The following TTC34 variants were observed in gnomAD, a reference collection of about 807,000 sequenced individuals.
TTC34 encodes tetratricopeptide repeat domain 34, also known as tetratricopeptide repeat protein 34.
Under a neutral mutation model 40.7 loss-of-function variants are expected in TTC34, and 44 were observed. The observed-to-expected ratio is 1.08, with a 90% confidence interval of 0.85 to 1.39. TTC34 has a LOEUF of 1.39. Ranked by LOEUF, TTC34 falls within the 40% of genes most tolerant of loss-of-function variation. The pLI is 0.00. For missense variants in TTC34, 884 were observed against 838.0 expected, an observed-to-expected ratio of 1.05 and a Z score of -0.68; for synonymous variants, 422 against 398.6, an observed-to-expected ratio of 1.06 and a Z score of -0.70.
chr1:2,681,062 A>ACCCC (rs1640048405), intron 6 of TTC34, among the ~76,000 whole-genome samples: 18 of 71,398 alleles, frequency 2.5e-4, no homozygotes, highest in East Asian at 9.8e-4. Context: ...CAGTGCCCAC[A>ACCCC]CACCCAGGCG....
At chr1:2,641,843 G>A in exon 9 of TTC34, 10 of 1,523,288 alleles carry the variant, frequency 6.6e-6, no homozygotes, top group Non-Finnish European at 8.8e-6. Flanking sequence ...GTAGCCCAGC[G>A]CCTGCCTGGG....
At chr1:2,757,730 C>A (rs1216123833) in intron 6 of TTC34, among the ~76,000 whole-genome samples, 1 of 145,624 alleles carries the variant, frequency 6.9e-6, no homozygotes, top group Non-Finnish European at 1.5e-5. Context: ...GAGCATCTGA[C>A]AGCCTGTAAC....
At chr1:2,754,160 C>A (rs1411003364) in intron 6 of TTC34, among the ~76,000 whole-genome samples, 12 of 28,616 alleles carry the variant, frequency 4.2e-4, no homozygotes, top group South Asian at 2.3e-3. Context: ...ATCTGATGGT[C>A]TGGAGCAGAA....
At chr1:2,751,539 C>G (rs1435309998) in intron 6 of TTC34, among the ~76,000 whole-genome samples, 2 of 33,580 alleles carry the variant, frequency 6.0e-5, no homozygotes, top group African/African-American at 2.4e-4. Context: ...CCCAGGTGAG[C>G]ATCTGACAGC....
chr1:2,779,257 C>T (rs1347725728), intron 6 of TTC34, among the ~76,000 whole-genome samples: 1 of 152,170 alleles, frequency 6.6e-6, no homozygotes, highest in Admixed American at 6.5e-5. Flanking sequence ...CTCTAAAAGA[C>T]CCTACTTCCA....
At chr1:2,687,933 G>T (rs570016323) in intron 6 of TTC34, among the ~76,000 whole-genome samples, 29 of 120,836 alleles carry the variant, frequency 2.4e-4, no homozygotes, top group African/African-American at 9.8e-4. Context: ...ACACGCCCAG[G>T]TGAGCCTCTG....
intron 6 of TTC34, among the ~76,000 whole-genome samples, chr1:2,692,509 A>T (rs201869556): frequency 2.6e-3 from 57 of 21,798 alleles, no homozygotes; most frequent in Non-Finnish European, 4.0e-3. Context: ...CTGCACCCCC[A>T]GGTGTGCACG....
rs376002609 is a variant in TTC34, at chr1:2,683,953, C to T, written c.2227-38390G>A. On this transcript the variant is annotated intron_variant, in intron 6 of 8. Transcript: ENST00000401095. ...CTGATGGTCTGGAGCAGTACCCACA[C>T]CCACAGTTGAGCATCTGACAGCCTG... Among the ~76,000 whole-genome samples, 190 of 28,770 alleles carry T rather than the reference C, an allele frequency of 6.6e-3. 7 individuals carry two copies. The South Asian group carries it at 0.14, about 21-fold the overall frequency. 18.9% of individuals were successfully genotyped at this position (28,770 alleles called of 152,430 possible).
At chr1:2,660,134 G>GA in intron 6 of TTC34, among the ~76,000 whole-genome samples, 1 of 114,932 alleles carries the variant, frequency 8.7e-6, no homozygotes, top group East Asian at 2.7e-4. Flanking sequence ...TGACAGCCTG[G>GA]GTCGGCACCC....
intron 2 of TTC34, among the ~76,000 whole-genome samples, chr1:2,795,552 C>T (rs1643703976): frequency 1.3e-5 from 2 of 152,176 alleles, no homozygotes; most frequent in Non-Finnish European, 2.9e-5. Flanking sequence ...GGCTTGGGCT[C>T]CTGAAGCACA....
chr1:2,688,391 C>A (rs1640470726), intron 6 of TTC34, among the ~76,000 whole-genome samples: 2 of 150,062 alleles, frequency 1.3e-5, no homozygotes, highest in Non-Finnish European at 3.0e-5. Flanking sequence ...CATCTGACAG[C>A]CTGGAACAGC....
intron 6 of TTC34, among the ~76,000 whole-genome samples, chr1:2,694,290 GCCTGGA>G (rs1640762538): frequency 6.9e-5 from 3 of 43,228 alleles, no homozygotes; most frequent in Non-Finnish European, 1.2e-4. Context: ...GCATCGGACA[GCCTGGA>G]GCAGCACCCA....
At chr1:2,641,791 G>A in exon 9 of TTC34, 2 of 1,535,142 alleles carry the variant, frequency 1.3e-6, no homozygotes, top group Non-Finnish European at 1.7e-6. Context: ...GCAGACGCAG[G>A]TGACAGGCAC....
intron 6 of TTC34, among the ~76,000 whole-genome samples, chr1:2,698,901 A>T (rs1221287670): frequency 6.8e-6 from 1 of 146,926 alleles, no homozygotes; most frequent in East Asian, 2.0e-4. Flanking sequence ...CCAGGTGAGC[A>T]TCTGACAGCC....
intron 6 of TTC34, among the ~76,000 whole-genome samples, chr1:2,677,975 C>T (rs1279380589): frequency 2.6e-5 from 1 of 38,600 alleles, no homozygotes; most frequent in Non-Finnish European, 4.5e-5. Flanking sequence ...AACCACACTC[C>T]CAGGCGAGCA....
chr1:2,650,629 G>A (rs1052137040), intron 6 of TTC34, among the ~76,000 whole-genome samples: 1 of 151,640 alleles, frequency 6.6e-6, no homozygotes, highest in Admixed American at 6.6e-5. Context: ...TCGACCTTCA[G>A]GTGAGTGTCT....
At chr1:2,798,435 C>T (rs568807470) in intron 2 of TTC34, among the ~76,000 whole-genome samples, 34 of 101,504 alleles carry the variant, frequency 3.3e-4, no homozygotes, top group African/African-American at 1.4e-3. Flanking sequence ...CTCAGCCTCT[C>T]ATCCCCTCAG....
At chr1:2,684,505 C>G (rs111394292) in intron 6 of TTC34, among the ~76,000 whole-genome samples, 1 of 134,012 alleles carries the variant, frequency 7.5e-6, no homozygotes, top group Non-Finnish European at 1.6e-5. Flanking sequence ...TGGCCTGGAA[C>G]GGCACCCACA....
intron 6 of TTC34, among the ~76,000 whole-genome samples, chr1:2,680,732 A>T (rs1570797830): frequency 1.3e-4 from 2 of 15,684 alleles, no homozygotes; most frequent in Admixed American, 7.5e-4. Context: ...AGCCTGGAGC[A>T]GCACCCACCA....
Sources: allele counts gnomAD v4.1 joint callset (sites outside exome capture counted in the v4.1 genomes callset), GRCh38; gene constraint gnomAD v4.1.1; transcripts MANE v1.5; gene names NCBI Gene and HGNC (gene_info 2026-07-23, HGNC 2026-07-21).